The following ADGRL2 variants were observed in gnomAD, a reference collection of about 807,000 sequenced individuals.
ADGRL2 encodes calcium-independent alpha-latrotoxin receptor 2.
ADGRL2 carries 44 observed loss-of-function variants against 157.4 expected under a neutral mutation model. The observed-to-expected ratio is 0.28, with a 90% CI of 0.22 to 0.36. The LOEUF is 0.36. Ranked by LOEUF, ADGRL2 falls within the 10% of genes least tolerant of loss-of-function variation. ADGRL2 has a pLI of 1.00. For synonymous variants in ADGRL2, 585 were observed against 624.7 expected (o/e 0.94, Z 0.95); for missense variants, 1,510 against 1,768.9 (o/e 0.85, Z 2.63).
At chr1:81,599,111 T>C (rs1266308360) in intron 3 of ADGRL2, among the ~76,000 whole-genome samples, 1 of 152,194 alleles carries the variant, frequency 6.6e-6, no homozygotes, top group Non-Finnish European at 1.5e-5. Context: ...ATGCTACAAC[T>C]TCTTACAATA....
At chr1:81,535,613 C>T (rs1313368157) in intron 2 of ADGRL2, among the ~76,000 whole-genome samples, 1 of 152,158 alleles carries the variant, frequency 6.6e-6, no homozygotes, top group Non-Finnish European at 1.5e-5. Context: ...AAGCAGCAGA[C>T]AGCAGACCCA....
At chr1:81,338,059 T>TA (rs1661780326) in intron 1 of ADGRL2, among the ~76,000 whole-genome samples, 1 of 152,180 alleles carries the variant, frequency 6.6e-6, no homozygotes, top group Admixed American at 6.5e-5. Context: ...GGTATTGACT[T>TA]ACTACAATTC....
At chr1:81,724,794 A>G (rs1436970482) in intron 1 of ADGRL2, among the ~76,000 whole-genome samples, 1 of 152,250 alleles carries the variant, frequency 6.6e-6, no homozygotes, top group Non-Finnish European at 1.5e-5. Flanking sequence ...CATTTCTGGA[A>G]TAATAAATAA....
chr1:81,547,114 C>G (rs1446584365), intron 2 of ADGRL2, among the ~76,000 whole-genome samples: 2 of 152,158 alleles, frequency 1.3e-5, no homozygotes, highest in African/African-American at 2.4e-5. Context: ...GCAAAGTTGC[C>G]AGGCAAGACC....
intron 2 of ADGRL2, among the ~76,000 whole-genome samples, chr1:81,493,810 TTCC>T (rs369023691): frequency 2.0e-5 from 3 of 152,220 alleles, no homozygotes; most frequent in African/African-American, 7.2e-5. Flanking sequence ...AGCCAACAGT[TTCC>T]TCAGAAGTTT....
intron 3 of ADGRL2, among the ~76,000 whole-genome samples, chr1:81,661,821 C>A (rs541010541): frequency 6.6e-5 from 10 of 152,234 alleles, no homozygotes; most frequent in Admixed American, 6.5e-4. Context: ...TCACCATATT[C>A]TGGGTGAATG....
intron 2 of ADGRL2, among the ~76,000 whole-genome samples, chr1:81,874,623 T>TC (rs2093783401): frequency 1.8e-5 from 2 of 109,920 alleles, no homozygotes; most frequent in African/African-American, 7.0e-5. Context: ...TCTTGTCTTG[T>TC]CTTGTCTTGT....
intron 1 of ADGRL2, among the ~76,000 whole-genome samples, chr1:81,433,435 G>T (rs934478607): frequency 5.3e-5 from 8 of 152,118 alleles, no homozygotes; most frequent in Non-Finnish European, 1.2e-4. Context: ...AGAGAAGTGT[G>T]CCCTGAGTTT....
At chr1:81,575,349 G>A (rs1017736374) in intron 2 of ADGRL2, among the ~76,000 whole-genome samples, 5 of 151,976 alleles carry the variant, frequency 3.3e-5, no homozygotes, top group Admixed American at 3.3e-4. Flanking sequence ...TTAAATTCAC[G>A]GAAAGGTTAA....
At chr1:81,682,103 ATGTGTGTGTGTGTG>A (rs57943530) in intron 3 of ADGRL2, among the ~76,000 whole-genome samples, 1 of 147,928 alleles carries the variant, frequency 6.8e-6, no homozygotes, top group Non-Finnish European at 1.5e-5. Context: ...ATACATATAT[ATGTGTGTGTGTGTG>A]TGTGTGTGTG....
At chr1:81,866,862 G>GT (rs1035391068) in intron 2 of ADGRL2, among the ~76,000 whole-genome samples, 2 of 151,936 alleles carry the variant, frequency 1.3e-5, no homozygotes, top group African/African-American at 2.4e-5. Flanking sequence ...GATGTATGGG[G>GT]TTTTTTTGGG....
chr1:81,498,360 G>A (rs919654747), intron 2 of ADGRL2, among the ~76,000 whole-genome samples: 4 of 152,082 alleles, frequency 2.6e-5, no homozygotes, highest in African/African-American at 9.7e-5. Flanking sequence ...AAACCCTTTT[G>A]AGTAGAATTT....
chr1:81,308,343 T>C (rs576773278), intron 1 of ADGRL2, among the ~76,000 whole-genome samples: 1 of 152,256 alleles, frequency 6.6e-6, no homozygotes, highest in African/African-American at 2.4e-5. Flanking sequence ...GAAAAGGATT[T>C]GTCACTAACA....
At chr1:81,756,820 T>C (rs1383040345) in intron 1 of ADGRL2, among the ~76,000 whole-genome samples, 3 of 152,172 alleles carry the variant, frequency 2.0e-5, no homozygotes, top group African/African-American at 4.8e-5. Context: ...ATTTTAGACA[T>C]GATAGGCACT....
intron 1 of ADGRL2, among the ~76,000 whole-genome samples, chr1:81,812,422 A>G (rs1156474864): frequency 6.6e-6 from 1 of 151,756 alleles, no homozygotes; most frequent in Non-Finnish European, 1.5e-5. Context: ...ATAGATTACA[A>G]ATGTGCCTTA....
intron 1 of ADGRL2, among the ~76,000 whole-genome samples, chr1:81,725,183 C>A (rs563698729): frequency 4.1e-5 from 5 of 122,644 alleles, no homozygotes; most frequent in East Asian, 2.3e-4. Flanking sequence ...CTAGTCTGGG[C>A]GAAAGGTGAG....
intron 1 of ADGRL2, among the ~76,000 whole-genome samples, chr1:81,441,148 C>G (rs373058235): frequency 8.5e-5 from 13 of 152,180 alleles, no homozygotes; most frequent in African/African-American, 3.1e-4. Flanking sequence ...CTACTTAGTA[C>G]TAGTTACTAG....
At chr1:81,642,579 G>T (rs550108946) in intron 3 of ADGRL2, among the ~76,000 whole-genome samples, 117 of 152,208 alleles carry the variant, frequency 7.7e-4, no homozygotes, top group African/African-American at 2.7e-3. Flanking sequence ...AGGCTCAGAT[G>T]AATTCACTGG....
intron 3 of ADGRL2, among the ~76,000 whole-genome samples, chr1:81,608,796 A>G (rs2081484154): frequency 2.0e-5 from 3 of 152,022 alleles, no homozygotes; most frequent in Admixed American, 2.0e-4. Context: ...CTTCTCCCCA[A>G]TATTACTTGC....
Sources: gnomAD v4.1 joint callset for allele counts (sites outside exome capture counted in the v4.1 genomes callset) on GRCh38, gnomAD v4.1.1 for gene constraint, MANE v1.5 for transcripts, NCBI Gene and HGNC (gene_info 2026-07-23, HGNC 2026-07-21) for gene names.